Variants in SLC10A7 observed in about 807,000 individuals in gnomAD.
The protein encoded by SLC10A7 is solute carrier family 10 member 7, also known as sodium/bile acid cotransporter 7.
A neutral mutation model predicts 43.2 loss-of-function variants in SLC10A7; 29 were observed. That is an observed-to-expected ratio of 0.67 (90% CI 0.50 to 0.92). The LOEUF (loss-of-function observed/expected upper bound fraction) is 0.92. Among genes scored for constraint, SLC10A7 ranks in the 40% least tolerant of loss-of-function variants. SLC10A7 has a pLI of 0.00. For synonymous variants in SLC10A7, 152 were observed against 144.8 expected (o/e 1.05, Z -0.35); for missense variants, 295 against 403.2 (o/e 0.73, Z 2.30).
intron 5 of SLC10A7, among the ~76,000 whole-genome samples, chr4:146,344,591 G>C (rs924524926): frequency 1.3e-5 from 2 of 152,000 alleles, no homozygotes; most frequent in Non-Finnish European, 2.9e-5. Flanking sequence ...GGCTCGGTGA[G>C]ACAAAAACTA....
intron 4 of SLC10A7, among the ~76,000 whole-genome samples, chr4:146,486,287 T>C (rs777648608): frequency 6.6e-6 from 1 of 152,248 alleles, no homozygotes; most frequent in Non-Finnish European, 1.5e-5. Context: ...TTTTTAAAGC[T>C]AGCCTTTTAA....
At chr4:146,297,099 A>G (rs1289858860) in intron 7 of SLC10A7, among the ~76,000 whole-genome samples, 1 of 152,164 alleles carries the variant, frequency 6.6e-6, no homozygotes, top group Non-Finnish European at 1.5e-5. Context: ...CATTCTGGTG[A>G]GGTGGCCAGT....
At chr4:146,458,181 T>G (rs540381471) in intron 4 of SLC10A7, among the ~76,000 whole-genome samples, 1 of 151,372 alleles carries the variant, frequency 6.6e-6, no homozygotes, top group African/African-American at 2.4e-5. Context: ...GATTTAAGAA[T>G]CAATCAAAGC....
intron 7 of SLC10A7, among the ~76,000 whole-genome samples, chr4:146,301,041 C>G (rs184065462): frequency 5.3e-4 from 81 of 152,150 alleles, no homozygotes; most frequent in Non-Finnish European, 1.0e-3. Flanking sequence ...GATGAAATAA[C>G]AGATTAAGTA....
chr4:146,424,348 G>A (rs1729167329), intron 5 of SLC10A7, among the ~76,000 whole-genome samples: 3 of 152,150 alleles, frequency 2.0e-5, no homozygotes, highest in Non-Finnish European at 4.4e-5. Flanking sequence ...CACCATTCTT[G>A]TCTGAGAATC....
chr4:146,423,619 G>T (rs1729113828), intron 5 of SLC10A7, among the ~76,000 whole-genome samples: 3 of 152,086 alleles, frequency 2.0e-5, no homozygotes, highest in African/African-American at 7.2e-5. Context: ...CGAAGAAAAA[G>T]AAACCCAACT....
At chr4:146,357,941 C>G (rs984793145) in intron 5 of SLC10A7, among the ~76,000 whole-genome samples, 26 of 151,974 alleles carry the variant, frequency 1.7e-4, no homozygotes, top group Non-Finnish European at 3.2e-4. Context: ...ACAGAACTCC[C>G]ATTAGAGAGG....
intron 5 of SLC10A7, chr4:146,441,702 G>A (rs957817756): frequency 1.4e-4 from 133 of 985,104 alleles, no homozygotes; most frequent in Non-Finnish European, 1.6e-4. Flanking sequence ...AAACCCAGAA[G>A]TAATACAGCA....
chr4:146,518,299 AT>A (rs1165291375), intron 1 of SLC10A7, among the ~76,000 whole-genome samples: 1 of 152,206 alleles, frequency 6.6e-6, no homozygotes, highest in Non-Finnish European at 1.5e-5. Context: ...ACATTTGAAA[AT>A]GTTTAGAAAT....
chr4:146,487,767 C>CAGAT (rs1432884257), intron 4 of SLC10A7, among the ~76,000 whole-genome samples: 1 of 152,058 alleles, frequency 6.6e-6, no homozygotes, highest in Non-Finnish European at 1.5e-5. Context: ...AAATATAGGC[C>CAGAT]AGATATGGTA....
chr4:146,333,459 TGA>T (rs1284166585), intron 5 of SLC10A7, among the ~76,000 whole-genome samples: 3 of 151,990 alleles, frequency 2.0e-5, no homozygotes, highest in Admixed American at 1.3e-4. Context: ...CAGTGAGCTA[TGA>T]GAGTGCTTAA....
intron 5 of SLC10A7, among the ~76,000 whole-genome samples, chr4:146,330,870 G>A (rs572983708): frequency 1.8e-3 from 269 of 152,118 alleles, no homozygotes; most frequent in African/African-American, 6.3e-3. Flanking sequence ...CTCATGAAGA[G>A]AAAGCTCTTT....
intron 5 of SLC10A7, among the ~76,000 whole-genome samples, chr4:146,327,080 TC>T (rs1457959253): frequency 6.6e-6 from 1 of 152,056 alleles, no homozygotes; most frequent in Non-Finnish European, 1.5e-5. Context: ...AGAAAAAAAG[TC>T]CTTTTGGTAT....
chr4:146,337,193 G>A (rs1733948629), intron 5 of SLC10A7, among the ~76,000 whole-genome samples: 1 of 152,044 alleles, frequency 6.6e-6, no homozygotes, highest in African/African-American at 2.4e-5. Flanking sequence ...CTTATTTGCA[G>A]AGTATATATT....
At chr4:146,402,252 A>T (rs1191926248) in intron 5 of SLC10A7, among the ~76,000 whole-genome samples, 1 of 152,226 alleles carries the variant, frequency 6.6e-6, no homozygotes, top group Non-Finnish European at 1.5e-5. Context: ...TTTTTAAAAC[A>T]TCAGGCAATA....
chr4:146,409,035 G>A (rs1018771567), intron 5 of SLC10A7, among the ~76,000 whole-genome samples: 10 of 152,048 alleles, frequency 6.6e-5, no homozygotes, highest in South Asian at 2.1e-4. Context: ...ACTCTGAACC[G>A]AAAATGGGGG....
chr4:146,287,537 C>A (rs1160235284), intron 9 of SLC10A7, among the ~76,000 whole-genome samples: 1 of 152,070 alleles, frequency 6.6e-6, no homozygotes, highest in East Asian at 1.9e-4. Flanking sequence ...AAGTGTGAGC[C>A]AACTTTGAGT....
intron 4 of SLC10A7, among the ~76,000 whole-genome samples, chr4:146,471,023 A>G (rs924714539): frequency 5.9e-5 from 9 of 152,226 alleles, no homozygotes; most frequent in Non-Finnish European, 1.3e-4. Context: ...GCTTAAATAA[A>G]CAAATGATTA....
intron 10 of SLC10A7, among the ~76,000 whole-genome samples, chr4:146,262,454 T>C (rs1728289169): frequency 6.6e-6 from 1 of 152,242 alleles, no homozygotes; most frequent in South Asian, 2.1e-4. Context: ...TACCACACTG[T>C]GATTTCTGTC....
Sources: allele counts gnomAD v4.1 joint callset (sites outside exome capture counted in the v4.1 genomes callset), GRCh38; gene constraint gnomAD v4.1.1; transcripts MANE v1.5; gene names NCBI Gene and HGNC (gene_info 2026-07-23, HGNC 2026-07-21).